The following TMEM132D variants were observed in gnomAD, a reference collection of about 807,000 sequenced individuals.
TMEM132D encodes the protein mature OL transmembrane protein.
In TMEM132D, 21 loss-of-function variants were observed where a neutral mutation model predicts 62.3. That is an observed-to-expected ratio of 0.34 (90% confidence interval 0.24 to 0.49). The LOEUF (loss-of-function observed/expected upper bound fraction) is 0.49. Among genes scored for constraint, TMEM132D ranks in the 20% least tolerant of loss-of-function variants. TMEM132D has a pLI of 0.99. For missense variants in TMEM132D, 1,346 were observed against 1,402.8 expected, an observed-to-expected ratio of 0.96 and a Z score of 0.65; for synonymous variants, 621 against 575.6, an observed-to-expected ratio of 1.08 and a Z score of -1.13.
intron 3 of TMEM132D, among the ~76,000 whole-genome samples, chr12:129,358,969 T>A (rs201660345): frequency 4.2e-5 from 6 of 143,260 alleles, no homozygotes; most frequent in South Asian, 2.2e-4. Flanking sequence ...TTTTTTTTTT[T>A]AAATGTCCAT....
At chr12:129,744,800 G>T (rs1271377628) in intron 1 of TMEM132D, among the ~76,000 whole-genome samples, 1 of 152,190 alleles carries the variant, frequency 6.6e-6, no homozygotes, top group Non-Finnish European at 1.5e-5. Flanking sequence ...GGGAAAGCAT[G>T]CAATGACACA....
chr12:129,360,426 C>A (rs1870208090), intron 3 of TMEM132D, among the ~76,000 whole-genome samples: 1 of 152,086 alleles, frequency 6.6e-6, no homozygotes, highest in South Asian at 2.1e-4. Flanking sequence ...ATGTAAAGAC[C>A]CGAAGGTGGG....
intron 1 of TMEM132D, among the ~76,000 whole-genome samples, chr12:129,746,714 C>T (rs1029782240): frequency 2.6e-5 from 4 of 151,964 alleles, no homozygotes; most frequent in African/African-American, 9.7e-5. Context: ...AGGGTAAAAC[C>T]TTTTATACCC....
rs746889434 is a variant in TMEM132D at position 129,495,962 on chromosome 12, A to C, written c.1115+35097T>G. On this transcript the variant is annotated intron_variant, in intron 3 of 8. Transcript: ENST00000422113. Reference sequence around the variant, plus strand: ...ACTTTTACAAGTCCATTATGAAATAAATAGCAAACTCAGTAAGGCAGGGGG... The same window carrying C: ...ACTTTTACAAGTCCATTATGAAATACATAGCAAACTCAGTAAGGCAGGGGG... 8.3e-4 allele frequency among the ~76,000 whole-genome samples: 126 copies of C among 152,214 alleles called. 1 individual carries two copies. The highest frequency in any genetic ancestry group is 1.0e-3 in the Non-Finnish European group (69 of 68,036).
chr12:129,515,758 C>T (rs948705450), intron 3 of TMEM132D, among the ~76,000 whole-genome samples: 19 of 152,190 alleles, frequency 1.2e-4, no homozygotes, highest in East Asian at 3.8e-4. Context: ...CTATTACCAA[C>T]GGACCATATC....
At chr12:129,242,851 T>C (rs1879972450) in intron 4 of TMEM132D, among the ~76,000 whole-genome samples, 1 of 152,236 alleles carries the variant, frequency 6.6e-6, no homozygotes, top group Non-Finnish European at 1.5e-5. Context: ...GTTATTGAGC[T>C]CTTCCAAAAT....
At chr12:129,141,330 G>A (rs1189341785) in intron 5 of TMEM132D, among the ~76,000 whole-genome samples, 1 of 152,192 alleles carries the variant, frequency 6.6e-6, no homozygotes, top group African/African-American at 2.4e-5. Flanking sequence ...ATTAGACCAT[G>A]TGTCTAATGC....
intron 1 of TMEM132D, among the ~76,000 whole-genome samples, chr12:129,721,322 G>T (rs979395205): frequency 5.3e-5 from 8 of 152,144 alleles, no homozygotes; most frequent in Admixed American, 2.0e-4. Context: ...ACCACAAGAG[G>T]GTCCTATCTG....
rs146117768 is a variant in TMEM132D at position 129,683,369 on chromosome 12, T to C, written c.968+16441A>G. 6.9e-3 allele frequency among the ~76,000 whole-genome samples: 1,050 copies of C among 152,308 alleles called. 17 individuals are homozygous for C. The highest frequency in any genetic ancestry group is 0.024 in the African/African-American group (992 of 41,562). On this transcript the variant is annotated intron_variant, in intron 2 of 8. Coordinates refer to ENST00000422113, the MANE Select transcript of TMEM132D (RefSeq NM_133448.3). ...GTAAGTAATAATAGCACCTACATCATAGAATTGTTTTGAGGATTAAATGTG... is the reference window on the plus strand; with the variant it reads ...GTAAGTAATAATAGCACCTACATCACAGAATTGTTTTGAGGATTAAATGTG...
intron 3 of TMEM132D, among the ~76,000 whole-genome samples, chr12:129,342,367 G>A (rs1404660583): frequency 6.6e-6 from 1 of 152,012 alleles, no homozygotes; most frequent in East Asian, 1.9e-4. Flanking sequence ...AAACTGGCTA[G>A]CCATATGTAG....
At chr12:129,864,119 C>T (rs1372622965) in intron 1 of TMEM132D, among the ~76,000 whole-genome samples, 1 of 152,190 alleles carries the variant, frequency 6.6e-6, no homozygotes, top group Non-Finnish European at 1.5e-5. Flanking sequence ...ATCTTACTCT[C>T]TGGGGGAAGC....
chr12:129,391,852 G>A (rs900360909), intron 3 of TMEM132D, among the ~76,000 whole-genome samples: 2 of 152,072 alleles, frequency 1.3e-5, no homozygotes, highest in Non-Finnish European at 2.9e-5. Context: ...TGCCTCCCGG[G>A]TTCAAGTGAT....
At chr12:129,668,983 A>G (rs1215715258) in intron 2 of TMEM132D, among the ~76,000 whole-genome samples, 1 of 152,100 alleles carries the variant, frequency 6.6e-6, no homozygotes, top group Non-Finnish European at 1.5e-5. Context: ...AGGCTCAGAA[A>G]CCCCACATTA....
intron 3 of TMEM132D, among the ~76,000 whole-genome samples, chr12:129,388,199 C>G (rs1871173914): frequency 8.0e-6 from 1 of 125,064 alleles, no homozygotes. Context: ...AAGACCAATT[C>G]AGCACTGATA....
At chr12:129,385,935 G>A (rs780312693) in intron 3 of TMEM132D, among the ~76,000 whole-genome samples, 3 of 152,160 alleles carry the variant, frequency 2.0e-5, no homozygotes, top group Non-Finnish European at 2.9e-5. Flanking sequence ...AGTGAGTGCT[G>A]GGACCTCTTA....
In TMEM132D at chr12:129,531,283, G is replaced by C. The variant is rs558850762; in HGVS notation, c.969-78C>G. ...CATGCTGGTTCTGGGAACACGGGGAGCTTAATTGCTCACCGTTGCCTGGCA... is the reference window on the plus strand; with the variant it reads ...CATGCTGGTTCTGGGAACACGGGGACCTTAATTGCTCACCGTTGCCTGGCA... On this transcript the variant is annotated intron_variant, in intron 2 of 8. Coordinates refer to ENST00000422113, the MANE Select transcript of TMEM132D (RefSeq NM_133448.3). 15 of 1,475,006 alleles carry C rather than the reference G, an allele frequency of 1.0e-5. No individual in the cohort carries two copies. The Middle Eastern group carries it at 7.7e-4, about 76-fold the overall frequency. 91.4% of individuals were successfully genotyped at this position (1,475,006 alleles called of 1,614,324 possible). A position where few individuals can be genotyped will look rare whatever the true frequency, so the allele number is the denominator to read the frequency against.
intron 4 of TMEM132D, among the ~76,000 whole-genome samples, chr12:129,230,901 G>T (rs963760172): frequency 6.6e-6 from 1 of 152,186 alleles, no homozygotes; most frequent in Non-Finnish European, 1.5e-5. Flanking sequence ...AGATCATTGG[G>T]TTAGCACTGT....
At chr12:129,245,337 C>T (rs1180409082) in intron 4 of TMEM132D, among the ~76,000 whole-genome samples, 2 of 152,178 alleles carry the variant, frequency 1.3e-5, no homozygotes, top group Non-Finnish European at 2.9e-5. Flanking sequence ...CTGGCTTCTT[C>T]CACTTAGGAA....
chr12:129,090,523 C>T (rs1202744920), intron 5 of TMEM132D, among the ~76,000 whole-genome samples: 1 of 152,060 alleles, frequency 6.6e-6, no homozygotes, highest in African/African-American at 2.4e-5. Flanking sequence ...AAAAAATTAG[C>T]CAGGCATGGT....
Sources: allele counts gnomAD v4.1 joint callset (sites outside exome capture counted in the v4.1 genomes callset), GRCh38; gene constraint gnomAD v4.1.1; transcripts MANE v1.5; gene names NCBI Gene and HGNC (gene_info 2026-07-23, HGNC 2026-07-21).